KHDRBS2: variants seen among roughly 807,000 people sequenced by gnomAD.
KHDRBS2 encodes the protein KH domain-containing, RNA-binding, signal transduction-associated protein 2.
Under a neutral mutation model 44.3 loss-of-function variants are expected in KHDRBS2, and 26 were observed. That is an observed-to-expected ratio of 0.59 (90% CI 0.43 to 0.81). The LOEUF is 0.81. Among genes scored for constraint, KHDRBS2 ranks in the 40% least tolerant of loss-of-function variants. KHDRBS2 has a pLI of 0.00. For synonymous variants in KHDRBS2, 194 were observed against 151.1 expected (o/e 1.28, Z -2.08); for missense variants, 476 against 433.1 (o/e 1.10, Z -0.88).
the KHDRBS2 span, among the ~76,000 whole-genome samples, chr6:61,632,273 G>A: frequency 6.6e-6 from 1 of 152,102 alleles, no homozygotes; most frequent in Non-Finnish European, 1.5e-5. Context: ...TGATACTTTA[G>A]AAGAAAGTCC....
chr6:61,903,142 C>T (rs944277097), intron 4 of KHDRBS2, among the ~76,000 whole-genome samples: 3 of 152,140 alleles, frequency 2.0e-5, no homozygotes, highest in African/African-American at 7.2e-5. Context: ...ATAAACATGT[C>T]TATTATTTTA....
chr6:61,607,928 T>A, the KHDRBS2 span, among the ~76,000 whole-genome samples: 1 of 152,182 alleles, frequency 6.6e-6, no homozygotes, highest in Non-Finnish European at 1.5e-5. Flanking sequence ...CCTCAAGTGA[T>A]CCGCCTACCT....
intron 1 of KHDRBS2, among the ~76,000 whole-genome samples, chr6:62,189,383 G>A (rs2150130390): frequency 6.6e-6 from 1 of 151,598 alleles, no homozygotes; most frequent in African/African-American, 2.4e-5. Context: ...CTTCTTAAGA[G>A]ACTCTGGGCC....
intron 4 of KHDRBS2, among the ~76,000 whole-genome samples, chr6:61,915,897 A>G (rs1379074736): frequency 6.6e-6 from 1 of 152,032 alleles, no homozygotes; most frequent in African/African-American, 2.4e-5. Context: ...CACAAAAGCC[A>G]TTAATTGGCT....
At chr6:62,014,867 T>TA (rs1285250602) in intron 3 of KHDRBS2, among the ~76,000 whole-genome samples, 1 of 152,166 alleles carries the variant, frequency 6.6e-6, no homozygotes, top group Non-Finnish European at 1.5e-5. Context: ...AATTACATGA[T>TA]ATAAGAAAAT....
rs1366754375 is a variant in KHDRBS2 at position 62,101,038 on chromosome 6, TTTAAACTCTTTTTTACAGC to T, written c.220-53063_220-53045del. On this transcript the variant is annotated intron_variant, in intron 2 of 8. Transcript: ENST00000281156. ...CTCTAGTATCTGCAGGAGCATGAATTTTAAACTCTTTTTTACAGCAAGACAAGCATTATAGCTCATTCAT... is the reference window on the plus strand; with the variant it reads ...CTCTAGTATCTGCAGGAGCATGAATTAAGACAAGCATTATAGCTCATTCAT... Among the ~76,000 whole-genome samples the T allele has an allele frequency of 3.3e-5, 5 of 152,282 alleles. 1 individual carries two copies. In the South Asian group the frequency reaches 1.0e-3, roughly 32 times the overall value.
chr6:61,892,240 T>G (rs998941734), intron 6 of KHDRBS2, among the ~76,000 whole-genome samples: 13 of 152,002 alleles, frequency 8.6e-5, no homozygotes, highest in Middle Eastern at 3.4e-3. Context: ...CACTGCTCAA[T>G]GAAATAAAAG....
At position 61,978,095 on chromosome 6, in the gene KHDRBS2, A is replaced by G. The variant is rs192187816; in HGVS notation, c.454T>C (p.Leu152=). 417 of 1,608,272 alleles carry G rather than the reference A, an allele frequency of 2.6e-4. 2 individuals carry two copies. In the East Asian group the frequency reaches 8.9e-3, roughly 35 times the overall value. ...ACCAGGAATTTTTTAATCTCTTCCA[A>G]TGCATGACTCATACGTGAATAAGCT... ...GEAYSRMSHA[L]EEIKKFLVPD... Residue 152 remains leucine (L), a synonymous_variant, in exon 4 of 9, where the codon TTG becomes CTG. Coordinates refer to ENST00000281156, the MANE Select transcript of KHDRBS2 (RefSeq NM_152688.4).
At chr6:61,869,963 T>G (rs1437839589) in intron 6 of KHDRBS2, among the ~76,000 whole-genome samples, 1 of 95,346 alleles carries the variant, frequency 1.0e-5, no homozygotes, top group African/African-American at 4.2e-5. Context: ...GCTGCAGGAG[T>G]GTTTTTTTTT....
At chr6:62,123,381 C>A (rs1370763488) in intron 2 of KHDRBS2, among the ~76,000 whole-genome samples, 2 of 152,176 alleles carry the variant, frequency 1.3e-5, no homozygotes, top group African/African-American at 4.8e-5. Flanking sequence ...GTCTTTATCA[C>A]AGCATGATTT....
intron 1 of KHDRBS2, among the ~76,000 whole-genome samples, chr6:62,239,773 C>G (rs1392939535): frequency 6.6e-6 from 1 of 151,976 alleles, no homozygotes; most frequent in African/African-American, 2.4e-5. Context: ...GCAACTTCCA[C>G]GTCCCAGGTT....
chr6:62,178,622 T>A (rs1293879139), intron 1 of KHDRBS2, among the ~76,000 whole-genome samples: 2 of 151,586 alleles, frequency 1.3e-5, no homozygotes, highest in Admixed American at 1.3e-4. Flanking sequence ...GTTAAAAGAC[T>A]GTGTAGTTAC....
chr6:61,654,714 G>A, the KHDRBS2 span, among the ~76,000 whole-genome samples: 2 of 151,070 alleles, frequency 1.3e-5, no homozygotes, highest in Non-Finnish European at 3.0e-5. Context: ...TTAGTAACAG[G>A]AGCAAGTCGT....
the KHDRBS2 span, among the ~76,000 whole-genome samples, chr6:61,546,222 T>C: frequency 1.3e-5 from 2 of 151,888 alleles, no homozygotes; most frequent in African/African-American, 2.4e-5. Flanking sequence ...TCAAATTATA[T>C]ATTAATAAGT....
At chr6:61,951,959 C>T (rs1764843723) in intron 4 of KHDRBS2, among the ~76,000 whole-genome samples, 3 of 151,902 alleles carry the variant, frequency 2.0e-5, no homozygotes, top group Admixed American at 2.0e-4. Flanking sequence ...AAAGCCACTC[C>T]TTAGACCAAG....
the KHDRBS2 span, among the ~76,000 whole-genome samples, chr6:61,567,923 CT>C: frequency 1.4e-4 from 21 of 152,112 alleles, no homozygotes; most frequent in Non-Finnish European, 2.5e-4. Flanking sequence ...ATTTTTTTAT[CT>C]ATTCAGAATT....
chr6:61,816,995 G>A (rs969311261), intron 6 of KHDRBS2: 1 of 455,712 alleles, frequency 2.2e-6, no homozygotes, highest in South Asian at 1.5e-5. Flanking sequence ...CAAGGAAAGT[G>A]GTAATGATGG....
At chr6:62,123,921 CT>C (rs1340084168) in intron 2 of KHDRBS2, among the ~76,000 whole-genome samples, 2 of 152,200 alleles carry the variant, frequency 1.3e-5, no homozygotes, top group African/African-American at 4.8e-5. Flanking sequence ...TGTAAAACAA[CT>C]GCTCTTTTGA....
chr6:62,059,198 G>GTTGTTTTTTTTTTTTTTTTTTTT (rs1791038809), intron 2 of KHDRBS2, among the ~76,000 whole-genome samples: 1 of 24,878 alleles, frequency 4.0e-5, no homozygotes, highest in African/African-American at 1.1e-4. Flanking sequence ...AAGTTAGGAA[G>GTTGTTTTTTTTTTTTTTTTTTTT]TTTTTTTTTT....
Sources: gnomAD v4.1 joint callset for allele counts (sites outside exome capture counted in the v4.1 genomes callset) on GRCh38, gnomAD v4.1.1 for gene constraint, MANE v1.5 for transcripts, NCBI Gene and HGNC (gene_info 2026-07-23, HGNC 2026-07-21) for gene names.